GLI3: variants seen among roughly 807,000 people sequenced by gnomAD.
GLI3 encodes the protein transcription activator GLI3.
A neutral mutation model predicts 100.8 loss-of-function variants in GLI3; 20 were observed. The ratio of observed to expected loss-of-function variants is 0.20; its 90% confidence interval spans 0.14 to 0.29. The LOEUF (loss-of-function observed/expected upper bound fraction) is 0.29. Among genes scored for constraint, GLI3 ranks in the 10% least tolerant of loss-of-function variants. GLI3 has a pLI of 1.00. For synonymous variants in GLI3, 938 were observed against 860.5 expected, an observed-to-expected ratio of 1.09 and a Z score of -1.58; for missense variants, 2,040 against 2,128.5, an observed-to-expected ratio of 0.96 and a Z score of 0.82.
chr7:42,135,968 C>T (rs1786419220), intron 3 of GLI3, among the ~76,000 whole-genome samples: 1 of 152,208 alleles, frequency 6.6e-6, no homozygotes, highest in Non-Finnish European at 1.5e-5. Flanking sequence ...ACCACCTCCT[C>T]CCCTGGGTGG....
chr7:42,195,559 C>A (rs895663279), intron 2 of GLI3, among the ~76,000 whole-genome samples: 1 of 152,150 alleles, frequency 6.6e-6, no homozygotes, highest in Non-Finnish European at 1.5e-5. Flanking sequence ...GAAATGTCCC[C>A]AGATGCCCAG....
rs927683128 is a variant in GLI3, at chr7:41,964,060, TAC to T, written c.*268_*269del. 3.8e-5 allele frequency: 12 copies of T among 313,274 alleles called. No homozygotes were observed. Among genetic ancestry groups the T allele is most frequent in the African/African-American group, 9.0e-5 (4 of 44,664 alleles). The allele number at this position is 313,274 out of a possible 1,614,324, so 19.4% of individuals were successfully genotyped here. A position where few individuals can be genotyped will look rare whatever the true frequency, so the allele number is the denominator to read the frequency against. On this transcript the variant is annotated 3_prime_UTR_variant, in exon 15 of 15. Transcript: ENST00000395925. ...GGTTTACTAAAAAGGGGGCGGGGCT[TAC>T]AGTTTTTTTTTTTTTTTTTAAAAAG... is the stretch of plus-strand genomic sequence containing the variant.
chr7:42,028,770 AAATAATAATAATAAT>A (rs147616149), intron 7 of GLI3, among the ~76,000 whole-genome samples: 4 of 146,040 alleles, frequency 2.7e-5, no homozygotes, highest in Non-Finnish European at 6.0e-5. Context: ...TCTCAAAAAT[AAATAATAATAATAAT>A]AATAATAATA....
At chr7:42,248,034 G>C (rs6463097) in intron 1 of GLI3, among the ~76,000 whole-genome samples, 57,212 of 151,978 alleles carry the variant, frequency 0.38, 10,990 homozygotes, top group Middle Eastern at 0.55. Context: ...TATTTGGATC[G>C]GTATGTCAAT....
At chr7:42,166,003 C>T (rs1787234060) in intron 2 of GLI3, among the ~76,000 whole-genome samples, 1 of 152,162 alleles carries the variant, frequency 6.6e-6, no homozygotes, top group Non-Finnish European at 1.5e-5. Context: ...GTATGCTCCC[C>T]TTCCTAAAAA....
rs982348686 is a variant in GLI3, at chr7:42,132,212, T to C, written c.367+16014A>G. 4.5e-4 allele frequency among the ~76,000 whole-genome samples: 68 copies of C among 151,384 alleles called. 1 individual carries two copies. The highest frequency in any genetic ancestry group is 4.0e-3 in the Admixed American group (61 of 15,154). ...GCCTCCTGGGTTCACGCCATTCTCC[T>C]GCCTCAGCCTCCCGAGTAGCTGGGA... On this transcript the variant is annotated intron_variant, in intron 3 of 14. Coordinates refer to ENST00000395925, the MANE Select transcript of GLI3 (RefSeq NM_000168.6).
At chr7:42,116,746 G>A (rs1232246546) in intron 3 of GLI3, among the ~76,000 whole-genome samples, 16 of 152,108 alleles carry the variant, frequency 1.1e-4, no homozygotes, top group Admixed American at 1.0e-3. Flanking sequence ...AACACAAAAT[G>A]TATCAAAACA....
intron 11 of GLI3, 98 bp downstream of exon 11, chr7:41,978,501 C>G (rs960880092): frequency 1.7e-6 from 2 of 1,192,084 alleles, no homozygotes; most frequent in Non-Finnish European, 2.5e-6. Context: ...CTCTTGCCAC[C>G]CAACCACGCT....
At chr7:42,196,741 T>C (rs910505905) in intron 2 of GLI3, among the ~76,000 whole-genome samples, 2 of 152,184 alleles carry the variant, frequency 1.3e-5, no homozygotes, top group African/African-American at 2.4e-5. Context: ...AGCCGTTTCA[T>C]GTCTCACTTG....
At chr7:42,154,080 C>T (rs905277466) in intron 2 of GLI3, among the ~76,000 whole-genome samples, 6 of 150,524 alleles carry the variant, frequency 4.0e-5, no homozygotes, top group Non-Finnish European at 8.8e-5. Context: ...CCACTACTAC[C>T]ACCAGTAAAA....
At chr7:42,262,238 T>TTCCTTCCTTCCTTCCG (rs1562803654) in intron 1 of GLI3, among the ~76,000 whole-genome samples, 14 of 147,836 alleles carry the variant, frequency 9.5e-5, no homozygotes, top group Admixed American at 6.8e-5. Flanking sequence ...CCTTCCTTCC[T>TTCCTTCCTTCCTTCCG]TCCTTCCTTT....
Position 41,965,232 on chromosome 7 carries a change from G to T in GLI3, c.3841C>A (p.Leu1281Met), listed in dbSNP as rs1359999993. 1 of 1,613,876 alleles carries T rather than the reference G, an allele frequency of 6.2e-7. No individual in the cohort carries two copies. Among genetic ancestry groups the T allele is most frequent in the Non-Finnish European group, 8.5e-7 (1 of 1,179,952 alleles). ...CTCCCTTGCATGGGGGTGCTCTTCA[G>T]CTTTGAGGCTTGAATCCCGGCACCA... is the stretch of plus-strand genomic sequence containing the variant. Reference protein sequence around the residue: ...ACGAGIQASKLKSTPMQGSGG... With the variant: ...ACGAGIQASKMKSTPMQGSGG... Residue 1281 changes from leucine to methionine, a missense_variant, in exon 15 of 15, where the codon CTG becomes ATG. Leu to Met is a conservative substitution (Grantham distance 15). This residue lies in a region of GLI3 where 1,041 missense variants were observed against 924.0 expected (regional missense o/e 1.13). Coordinates refer to ENST00000395925, the MANE Select transcript of GLI3 (RefSeq NM_000168.6).
chr7:42,247,758 A>G (rs1788990303), intron 1 of GLI3, among the ~76,000 whole-genome samples: 1 of 152,184 alleles, frequency 6.6e-6, no homozygotes, highest in African/African-American at 2.4e-5. Flanking sequence ...CTCTTTCTTC[A>G]GGGAAGGTAG....
intron 10 of GLI3, among the ~76,000 whole-genome samples, chr7:41,989,159 T>A (rs890657005): frequency 6.6e-6 from 1 of 152,188 alleles, no homozygotes; most frequent in African/African-American, 2.4e-5. Context: ...AAAAGAAAGA[T>A]ATAGAGTTAA....
In GLI3 at chr7:42,030,239, A is replaced by G. The variant is rs538073526; in HGVS notation, c.1029-3827T>C. 2.6e-5 allele frequency among the ~76,000 whole-genome samples: 4 copies of G among 151,998 alleles called. No individual in the cohort carries two copies. The East Asian group carries it at 7.7e-4, about 29-fold the overall frequency. On this transcript the variant is annotated intron_variant, in intron 7 of 14. Coordinates refer to ENST00000395925, the MANE Select transcript of GLI3 (RefSeq NM_000168.6). Reference sequence around the variant, plus strand: ...AACTTGCCTCTCCTGCTTCCCTCTCACAGGGGACCCTGTGATTACATCACT... The same window carrying G: ...AACTTGCCTCTCCTGCTTCCCTCTCGCAGGGGACCCTGTGATTACATCACT...
intron 1 of GLI3, among the ~76,000 whole-genome samples, chr7:42,255,463 T>C (rs996080235): frequency 6.6e-6 from 1 of 152,210 alleles, no homozygotes; most frequent in Non-Finnish European, 1.5e-5. Context: ...AAATCCCTCA[T>C]GTCTGCGTGC....
intron 10 of GLI3, among the ~76,000 whole-genome samples, chr7:41,982,697 CA>C (rs200821387): frequency 0.42 from 48,073 of 114,618 alleles, 8,453 homozygotes; most frequent in East Asian, 0.78. Context: ...GAACTTGTCT[CA>C]AAAAAAAAAA....
chr7:42,049,546 T>A (rs899315508), intron 4 of GLI3, among the ~76,000 whole-genome samples: 1 of 152,198 alleles, frequency 6.6e-6, no homozygotes, highest in African/African-American at 2.4e-5. Flanking sequence ...TCGGTTATAA[T>A]GAGCTAAGGT....
chr7:42,244,170 G>A (rs964525037), intron 1 of GLI3, among the ~76,000 whole-genome samples: 3 of 152,118 alleles, frequency 2.0e-5, no homozygotes, highest in Admixed American at 1.3e-4. Context: ...ATATACAAAG[G>A]CACCAGATTA....
Sources: gnomAD v4.1 joint callset for allele counts (sites outside exome capture counted in the v4.1 genomes callset) on GRCh38, gnomAD v4.1.1 for gene constraint, gnomAD v4.1.1 regional missense constraint, MANE v1.5 for transcripts, NCBI Gene and HGNC (gene_info 2026-07-23, HGNC 2026-07-21) for gene names.